INO80D: variants seen among roughly 807,000 people sequenced by gnomAD.
The protein encoded by INO80D is INO80 complex subunit D.
INO80D carries 21 observed loss-of-function variants against 87.6 expected under a neutral mutation model. The ratio of observed to expected loss-of-function variants is 0.24; its 90% CI spans 0.17 to 0.35. The LOEUF is 0.35. INO80D is among the 10% of genes least tolerant of loss of function. INO80D has a pLI of 1.00. For missense variants in INO80D, 982 were observed against 1,280.7 expected (o/e 0.77, Z 3.56); for synonymous variants, 440 against 491.0 (o/e 0.90, Z 1.37).
chr2:206,027,982 A>G, intron 6 of INO80D, 129 bp downstream of exon 6: 1 of 551,908 alleles, frequency 1.8e-6, no homozygotes, highest in Non-Finnish European at 2.9e-6. Context: ...AAAGCAAGAA[A>G]ACCAAAACAT....
At chr2:206,031,412 T>C (rs1282215537) in intron 5 of INO80D, among the ~76,000 whole-genome samples, 11 of 151,748 alleles carry the variant, frequency 7.2e-5, no homozygotes, top group Admixed American at 7.2e-4. Flanking sequence ...AAAAAGGAAA[T>C]GGAGAGGAAA....
intron 8 of INO80D, among the ~76,000 whole-genome samples, chr2:206,017,345 G>A (rs563990922): frequency 6.6e-6 from 1 of 152,268 alleles, no homozygotes; most frequent in African/African-American, 2.4e-5. Context: ...TAGGATTTAT[G>A]ATAACTAGCA....
intron 8 of INO80D, among the ~76,000 whole-genome samples, chr2:206,011,896 G>A (rs1312227827): frequency 6.6e-6 from 1 of 152,208 alleles, no homozygotes; most frequent in Non-Finnish European, 1.5e-5. Context: ...GAAAAATGAG[G>A]TAGAGTATGA....
At chr2:206,070,814 T>A (rs1312312007) in intron 1 of INO80D, among the ~76,000 whole-genome samples, 8 of 152,122 alleles carry the variant, frequency 5.3e-5, no homozygotes, top group African/African-American at 1.7e-4. Context: ...TGCTTTTTTT[T>A]ATCTACTGAC....
chr2:206,018,027 C>A (rs1366905987), intron 7 of INO80D, among the ~76,000 whole-genome samples: 1 of 152,136 alleles, frequency 6.6e-6, no homozygotes, highest in Non-Finnish European at 1.5e-5. Context: ...GCTAATGAGA[C>A]CCTGGCACCA....
chr2:206,021,325 A>C (rs1033508459), intron 6 of INO80D, among the ~76,000 whole-genome samples: 4 of 152,200 alleles, frequency 2.6e-5, no homozygotes, highest in African/African-American at 9.6e-5. Context: ...ATTTCATATA[A>C]ACTGTAAACA....
chr2:206,048,554 C>CTGAA (rs1689261046), intron 4 of INO80D, among the ~76,000 whole-genome samples: 1 of 152,094 alleles, frequency 6.6e-6, no homozygotes, highest in Non-Finnish European at 1.5e-5. Flanking sequence ...TTTTTAATGA[C>CTGAA]TGAATAATTT....
chr2:206,053,911 C>G (rs868684796), intron 4 of INO80D, among the ~76,000 whole-genome samples: 1 of 151,850 alleles, frequency 6.6e-6, no homozygotes, highest in African/African-American at 2.4e-5. Flanking sequence ...ACAATCTCCG[C>G]TCACTGCAAC....
At chr2:206,038,792 C>A (rs818015) in intron 5 of INO80D, among the ~76,000 whole-genome samples, 50,207 of 151,896 alleles carry the variant, frequency 0.33, 8,940 homozygotes, top group South Asian at 0.58. Context: ...CAGAGTGAGA[C>A]CCTGTCTCAG....
At position 206,028,125 on chromosome 2, in the gene INO80D, T is replaced by C; in HGVS notation, c.1284A>G (p.Ala428=). Residue 428 remains alanine, a synonymous_variant, in exon 6 of 11, where the codon GCA becomes GCG. Coordinates refer to ENST00000403263, the MANE Select transcript of INO80D (RefSeq NM_017759.5). The stretch of plus-strand genomic sequence containing the variant: ...GTGGCTCTAACCTGGTTCGACTGCA[T>C]GCAGCTCTCCGCAGTTCTTGTATTA... The part of the protein sequence containing the change: ...GQLIQELRRA[A]CSRTSISRTK... The C allele has an allele frequency of 4.5e-6, 7 of 1,544,890 alleles. No homozygotes were observed. Among genetic ancestry groups the C allele is most frequent in the Non-Finnish European group, 6.1e-6 (7 of 1,141,666 alleles).
chr2:206,026,825 A>G (rs1688627112), intron 6 of INO80D, among the ~76,000 whole-genome samples: 1 of 151,964 alleles, frequency 6.6e-6, no homozygotes, highest in Non-Finnish European at 1.5e-5. Flanking sequence ...AAAATATCAG[A>G]TAACTCTACA....
At chr2:206,017,313 C>T (rs1324790365) in intron 8 of INO80D, among the ~76,000 whole-genome samples, 1 of 152,130 alleles carries the variant, frequency 6.6e-6, no homozygotes, top group African/African-American at 2.4e-5. Flanking sequence ...TCTGTCTCTC[C>T]TCCAAATTAT....
chr2:206,012,277 A>C (rs13014298), intron 8 of INO80D, among the ~76,000 whole-genome samples: 28,491 of 152,118 alleles, frequency 0.19, 3,329 homozygotes, highest in Non-Finnish European at 0.27. Context: ...AGTGTAAGAG[A>C]ATCTGGGGAG....
At chr2:206,036,713 C>T (rs1014873140) in intron 5 of INO80D, among the ~76,000 whole-genome samples, 7 of 151,986 alleles carry the variant, frequency 4.6e-5, no homozygotes, top group Non-Finnish European at 8.8e-5. Context: ...CTATGGAAAA[C>T]TGAAAAAATA....
At chr2:206,071,174 G>C (rs562094081) in intron 1 of INO80D, among the ~76,000 whole-genome samples, 5 of 146,706 alleles carry the variant, frequency 3.4e-5, no homozygotes, top group African/African-American at 1.2e-4. Flanking sequence ...GGTCAGGCTG[G>C]TCTCGAACTT....
intron 1 of INO80D, among the ~76,000 whole-genome samples, chr2:206,076,726 G>T (rs1230945817): frequency 6.6e-6 from 1 of 152,146 alleles, no homozygotes; most frequent in Non-Finnish European, 1.5e-5. Flanking sequence ...TTCCTTCCCT[G>T]CTATATTAGA....
At chr2:206,068,252 C>G (rs1430367743) in intron 1 of INO80D, among the ~76,000 whole-genome samples, 1 of 152,100 alleles carries the variant, frequency 6.6e-6, no homozygotes, top group Non-Finnish European at 1.5e-5. Context: ...GTATGTGCCA[C>G]CATATCTGGC....
rs1354726661 is a variant in INO80D, at chr2:205,999,462, T to C, written c.*4906A>G. 1.3e-5 allele frequency: 2 copies of C among 152,196 alleles called. No individual in the cohort carries two copies. The highest frequency in any genetic ancestry group is 3.8e-4 in the East Asian group (2 of 5,196). The allele number at this position is 152,196 out of a possible 1,614,324, so 9.4% of individuals were successfully genotyped here. A position where few individuals can be genotyped will look rare whatever the true frequency, so the allele number is the denominator to read the frequency against. On this transcript the variant is annotated 3_prime_UTR_variant, in exon 11 of 11. Coordinates refer to ENST00000403263, the MANE Select transcript of INO80D (RefSeq NM_017759.5). Reference sequence around the variant, plus strand: ...CAAACATCCCCAGTATTGGGGAACATAGGGTAAAAAAGTCATACCCAATTT... The same window carrying C: ...CAAACATCCCCAGTATTGGGGAACACAGGGTAAAAAAGTCATACCCAATTT...
intron 5 of INO80D, among the ~76,000 whole-genome samples, chr2:206,044,871 A>C (rs1689153931): frequency 6.6e-6 from 1 of 152,232 alleles, no homozygotes; most frequent in South Asian, 2.1e-4. Context: ...AATTACCATT[A>C]GGAAGTATGA....
Sources: allele counts gnomAD v4.1 joint callset (sites outside exome capture counted in the v4.1 genomes callset), GRCh38; gene constraint gnomAD v4.1.1; transcripts MANE v1.5; gene names NCBI Gene and HGNC (gene_info 2026-07-23, HGNC 2026-07-21).